DCDC1: variants seen among roughly 807,000 people sequenced by gnomAD.
The protein encoded by DCDC1 is doublecortin domain containing 1.
In DCDC1, 200 loss-of-function variants were observed where a neutral mutation model predicts 178.3. The observed-to-expected ratio is 1.12, with a 90% CI of 1.00 to 1.26. The LOEUF (loss-of-function observed/expected upper bound fraction) is 1.26. DCDC1 is among the 50% of genes most tolerant of loss of function. The pLI, the probability that DCDC1 is intolerant of heterozygous loss-of-function variation, is 0.00. For missense variants in DCDC1, 1,983 were observed against 1,749.2 expected (o/e 1.13, Z -2.38); for synonymous variants, 690 against 604.8 (o/e 1.14, Z -2.07).
At chr11:30,920,593 T>C (rs923469423) in intron 25 of DCDC1, among the ~76,000 whole-genome samples, 183 bp downstream of exon 25, 4 of 152,198 alleles carry the variant, frequency 2.6e-5, no homozygotes, top group Admixed American at 2.0e-4. Context: ...ACTGTGATGG[T>C]TGAACATCGA....
chr11:30,911,563 C>T, intron 27 of DCDC1, 143 bp from the exon 28 acceptor site: 1 of 685,588 alleles, frequency 1.5e-6, no homozygotes, highest in Middle Eastern at 2.6e-4. Context: ...TTCTCCCCTA[C>T]AGTAAGTGTG....
chr11:31,331,368 T>C (rs1218798064), intron 2 of DCDC1, among the ~76,000 whole-genome samples: 1 of 152,228 alleles, frequency 6.6e-6, no homozygotes, highest in Non-Finnish European at 1.5e-5. Context: ...TTGAATATCC[T>C]TTATTTCTTT....
At chr11:31,294,810 G>T (rs1179652874) in intron 6 of DCDC1, among the ~76,000 whole-genome samples, 32 of 49,014 alleles carry the variant, frequency 6.5e-4, no homozygotes, top group Admixed American at 3.0e-3. Context: ...AAGAAAGAAA[G>T]AAAGAAAGAA....
At chr11:31,218,726 AAC>A (rs1186952800) in intron 9 of DCDC1, among the ~76,000 whole-genome samples, 1 of 152,212 alleles carries the variant, frequency 6.6e-6, no homozygotes, top group Non-Finnish European at 1.5e-5. Context: ...AACTCTAAGT[AAC>A]GTTAATATTT....
intron 7 of DCDC1, among the ~76,000 whole-genome samples, chr11:31,280,514 G>A (rs1946347280): frequency 6.6e-6 from 1 of 152,134 alleles, no homozygotes; most frequent in African/African-American, 2.4e-5. Flanking sequence ...TTAACCAGAA[G>A]CTAGTCTTAG....
chr11:30,996,942 C>A (rs1383266235), intron 20 of DCDC1, among the ~76,000 whole-genome samples: 1 of 152,118 alleles, frequency 6.6e-6, no homozygotes, highest in African/African-American at 2.4e-5. Flanking sequence ...AACTAAGATG[C>A]CTTTCAACAG....
intron 15 of DCDC1, among the ~76,000 whole-genome samples, chr11:31,094,620 G>A (rs1236452248): frequency 6.6e-6 from 1 of 152,174 alleles, no homozygotes; most frequent in Non-Finnish European, 1.5e-5. Context: ...GATGGGGACA[G>A]TTTGACAGGA....
intron 14 of DCDC1, among the ~76,000 whole-genome samples, chr11:31,102,923 T>C (rs901352400): frequency 1.3e-5 from 2 of 152,192 alleles, no homozygotes; most frequent in Non-Finnish European, 2.9e-5. Flanking sequence ...GGCTCTACCA[T>C]GTACCAGCTG....
intron 6 of DCDC1, among the ~76,000 whole-genome samples, chr11:31,298,113 A>C (rs893344109): frequency 3.9e-5 from 6 of 152,178 alleles, no homozygotes; most frequent in Non-Finnish European, 4.4e-5. Flanking sequence ...CGGCAGTAAC[A>C]TCCGAGTTCC....
intron 3 of DCDC1, among the ~76,000 whole-genome samples, chr11:31,320,696 G>A (rs1949294340): frequency 4.0e-5 from 1 of 24,996 alleles, no homozygotes; most frequent in South Asian, 3.4e-3. Context: ...TGTTGCTGGT[G>A]AGGAACTGCG....
chr11:31,346,127 G>A (rs1447595204), intron 1 of DCDC1, among the ~76,000 whole-genome samples: 1 of 152,052 alleles, frequency 6.6e-6, no homozygotes, highest in Non-Finnish European at 1.5e-5. Flanking sequence ...AACTTCTAGG[G>A]TTTTTTCTCA....
At chr11:31,131,225 A>AAAAAG (rs1180677878) in intron 10 of DCDC1, among the ~76,000 whole-genome samples, 1 of 151,950 alleles carries the variant, frequency 6.6e-6, no homozygotes, top group Non-Finnish European at 1.5e-5. Flanking sequence ...TAATGAAAAG[A>AAAAAG]AAAAGAAAAG....
intron 36 of DCDC1, among the ~76,000 whole-genome samples, chr11:30,891,090 TC>T (rs1202422830): frequency 3.3e-5 from 5 of 152,200 alleles, no homozygotes; most frequent in Non-Finnish European, 5.9e-5. Flanking sequence ...TTCTCTACAT[TC>T]CCAAGTAAAC....
chr11:30,894,508 A>G, intron 34 of DCDC1, 124 bp from the exon 35 acceptor site: 1 of 1,329,546 alleles, frequency 7.5e-7, no homozygotes, highest in Non-Finnish European at 1.0e-6. Context: ...TACTAAATAT[A>G]TCATAAAAGC....
chr11:30,951,042 G>C (rs1224609672), intron 21 of DCDC1, among the ~76,000 whole-genome samples: 1 of 152,006 alleles, frequency 6.6e-6, no homozygotes, highest in Non-Finnish European at 1.5e-5. Context: ...AAAAATAAGG[G>C]AGTGGGAGAA....
chr11:31,253,987 T>C (rs768960321), intron 8 of DCDC1, among the ~76,000 whole-genome samples: 29 of 152,200 alleles, frequency 1.9e-4, no homozygotes, highest in Non-Finnish European at 4.1e-4. Context: ...CTTTGACATA[T>C]GCAAGTGTAG....
At chr11:31,002,338 T>G (rs900622329) in intron 20 of DCDC1, among the ~76,000 whole-genome samples, 3 of 152,228 alleles carry the variant, frequency 2.0e-5, no homozygotes, top group African/African-American at 7.2e-5. Context: ...TTTTTAACAT[T>G]TCTATATTCC....
intron 8 of DCDC1, among the ~76,000 whole-genome samples, chr11:31,248,287 AC>A (rs1233330439): frequency 6.6e-6 from 1 of 152,094 alleles, no homozygotes; most frequent in Non-Finnish European, 1.5e-5. Flanking sequence ...GCACAAATTA[AC>A]TTTTGACTCA....
chr11:30,926,086 A>G (rs1327001056), intron 22 of DCDC1, among the ~76,000 whole-genome samples: 2 of 152,144 alleles, frequency 1.3e-5, no homozygotes, highest in Non-Finnish European at 2.9e-5. Flanking sequence ...GAGAAAGGTG[A>G]GCAATTGAAG....
Sources: gnomAD v4.1 joint callset for allele counts (sites outside exome capture counted in the v4.1 genomes callset) on GRCh38, gnomAD v4.1.1 for gene constraint, MANE v1.5 for transcripts, NCBI Gene and HGNC (gene_info 2026-07-23, HGNC 2026-07-21) for gene names.